The following MNS1 variants were observed in gnomAD, a reference collection of about 807,000 sequenced individuals.
The protein encoded by MNS1 is meiosis specific nuclear structural 1.
A neutral mutation model predicts 72.0 loss-of-function variants in MNS1; 63 were observed. The ratio of observed to expected loss-of-function variants is 0.87; its 90% CI spans 0.71 to 1.08. The LOEUF (loss-of-function observed/expected upper bound fraction) is 1.08, where lower values mean the gene tolerates loss of function less well. Ranked by LOEUF, MNS1 falls within the 50% of genes least tolerant of loss-of-function variation. MNS1 has a pLI of 0.00. For missense variants in MNS1, 604 were observed against 562.4 expected (o/e 1.07, Z -0.75); for synonymous variants, 188 against 172.1 (o/e 1.09, Z -0.72).
At chr15:56,456,297 T>C (rs2050981239) in intron 3 of MNS1, 97 bp downstream of exon 3, 1 of 1,112,052 alleles carries the variant, frequency 9.0e-7, no homozygotes, top group African/African-American at 1.6e-5. Flanking sequence ...CTAAGTGAAA[T>C]GACATAAACA....
At chr15:56,440,198 A>C (rs2140348087) in intron 7 of MNS1, among the ~76,000 whole-genome samples, 1 of 152,306 alleles carries the variant, frequency 6.6e-6, no homozygotes, top group East Asian at 1.9e-4. Context: ...CATCAGGAAA[A>C]TGCAAAATAA....
chr15:56,458,006 G>T (rs572078781), intron 2 of MNS1, among the ~76,000 whole-genome samples: 5 of 151,928 alleles, frequency 3.3e-5, no homozygotes, highest in Admixed American at 2.0e-4. Flanking sequence ...AATAAACTGT[G>T]GTACATCCAT....
intron 7 of MNS1, among the ~76,000 whole-genome samples, chr15:56,435,249 C>T (rs1031207625): frequency 5.3e-5 from 8 of 151,704 alleles, no homozygotes; most frequent in African/African-American, 1.9e-4. Flanking sequence ...ATAATCTAAG[C>T]CCCCACTTCA....
intron 7 of MNS1, among the ~76,000 whole-genome samples, chr15:56,441,807 GA>G (rs2050818380): frequency 6.6e-6 from 1 of 152,252 alleles, no homozygotes; most frequent in Non-Finnish European, 1.5e-5. Context: ...GAGGTCAGGA[GA>G]TCGAGACCAT....
intron 2 of MNS1, among the ~76,000 whole-genome samples, chr15:56,460,007 A>T (rs1447856128): frequency 0.013 from 353 of 27,466 alleles, 23 homozygotes; most frequent in African/African-American, 0.04. Flanking sequence ...AAAAAAAAAA[A>T]AAATACATAT....
At chr15:56,455,828 G>A (rs182018170) in intron 3 of MNS1, among the ~76,000 whole-genome samples, 2 of 152,254 alleles carry the variant, frequency 1.3e-5, no homozygotes, top group East Asian at 3.9e-4. Context: ...GCCAGGTTAT[G>A]TAAGAAACAA....
chr15:56,447,489 A>C (rs961728836), intron 3 of MNS1: 32 of 151,964 alleles, frequency 2.1e-4, no homozygotes, highest in African/African-American at 7.5e-4. Context: ...TCTGTGTTTT[A>C]TTTTGGTAGT....
chr15:56,451,799 C>G (rs924499585), intron 3 of MNS1, among the ~76,000 whole-genome samples: 1 of 152,094 alleles, frequency 6.6e-6, no homozygotes, highest in African/African-American at 2.4e-5. Flanking sequence ...CATCGTACAT[C>G]AAGGAGCATC....
intron 7 of MNS1, among the ~76,000 whole-genome samples, chr15:56,439,985 T>C (rs1184743289): frequency 2.6e-5 from 4 of 152,050 alleles, no homozygotes; most frequent in South Asian, 2.1e-4. Context: ...AGCTACAGAC[T>C]AGAAGAAACT....
At chr15:56,457,024 CAT>C (rs2050985831) in intron 2 of MNS1, among the ~76,000 whole-genome samples, 1 of 152,176 alleles carries the variant, frequency 6.6e-6, no homozygotes, top group Non-Finnish European at 1.5e-5. Flanking sequence ...ATTGTCTCAA[CAT>C]ACTTTTCTAG....
intron 7 of MNS1, among the ~76,000 whole-genome samples, chr15:56,436,541 A>C (rs1170994147): frequency 6.6e-6 from 1 of 152,204 alleles, no homozygotes; most frequent in African/African-American, 2.4e-5. Flanking sequence ...ATCACAATTA[A>C]AAGAACTAGA....
intron 3 of MNS1, 122 bp downstream of exon 3, chr15:56,456,272 C>T: frequency 1.2e-6 from 1 of 833,482 alleles, no homozygotes; most frequent in Non-Finnish European, 1.7e-6. Context: ...TAAGTATTTC[C>T]AGGTAAAATA....
At chr15:56,435,836 C>T (rs140713985) in intron 7 of MNS1, among the ~76,000 whole-genome samples, 6 of 152,012 alleles carry the variant, frequency 3.9e-5, no homozygotes, top group African/African-American at 7.2e-5. Context: ...AGTATTACCC[C>T]GCTACCAATA....
intron 4 of MNS1, chr15:56,445,624 G>C (rs2050893817): frequency 6.6e-6 from 1 of 151,944 alleles, no homozygotes. Flanking sequence ...TAACATTTAT[G>C]TGTAGATTAC....
intron 7 of MNS1, among the ~76,000 whole-genome samples, chr15:56,441,045 C>G (rs1363138396): frequency 1.3e-5 from 2 of 152,094 alleles, no homozygotes; most frequent in Non-Finnish European, 2.9e-5. Flanking sequence ...CCTCTAAGCA[C>G]TGCATTAACT....
chr15:56,461,559 G>A (rs530496683), intron 2 of MNS1, among the ~76,000 whole-genome samples: 1 of 151,064 alleles, frequency 6.6e-6, no homozygotes, highest in Non-Finnish European at 1.5e-5. Flanking sequence ...TACTTGGGAG[G>A]CTGAGGGAGA....
chr15:56,444,582 G>A lies in MNS1; in HGVS notation c.548C>T (p.Ala183Val), dbSNP rs1382901046. Residue 183 changes from alanine (A) to valine (V), a missense_variant, in exon 5 of 10, where the codon GCG becomes GTG. Physicochemically the swap from Ala to Val is moderately conservative, Grantham distance 64. Coordinates refer to ENST00000260453, the MANE Select transcript of MNS1 (RefSeq NM_018365.4). ...TAAGTCAAGATAGTACTGTGCTTTC[G>A]CTTTGTTTCGTTTGTCTTCTGCAGC... ...ENAAEDKRNK[A>V]KAQYYLDLEK... 39 of 1,611,852 alleles carry A rather than the reference G, an allele frequency of 2.4e-5. No individual in the cohort carries two copies. The highest frequency in any genetic ancestry group is 3.1e-5 in the Non-Finnish European group (36 of 1,179,264).
Position 56,443,453 on chromosome 15 carries a change from C to T in MNS1, c.988G>A (p.Glu330Lys), listed in dbSNP as rs777939025. 6.3e-7 allele frequency: 1 copy of T among 1,588,352 alleles called. No individual in the cohort carries two copies. Among genetic ancestry groups the T allele is most frequent in the South Asian group, 1.2e-5 (1 of 84,308 alleles). The change falls in exon 7 of 10, where the codon GAA (glutamate) becomes AAA (lysine). Residue 330 changes from glutamate to lysine, a missense_variant. Glu to Lys is a moderately conservative substitution (Grantham distance 56). Coordinates refer to ENST00000260453, the MANE Select transcript of MNS1 (RefSeq NM_018365.4). ...ACTTTTAGCTTGCTCTTATATATTT[C>T]AGCTTGTTCTTCCTGGTATAATTCT... ...RQELYQEEQA[E>K]IYKSKLKEEA...
intron 2 of MNS1, among the ~76,000 whole-genome samples, chr15:56,461,848 A>C (rs2051023660): frequency 6.6e-6 from 1 of 151,970 alleles, no homozygotes; most frequent in Admixed American, 6.6e-5. Context: ...ATTTAAAAAC[A>C]ACCACAACAT....
Sources: gnomAD v4.1 joint callset for allele counts (sites outside exome capture counted in the v4.1 genomes callset) on GRCh38, gnomAD v4.1.1 for gene constraint, MANE v1.5 for transcripts, NCBI Gene and HGNC (gene_info 2026-07-23, HGNC 2026-07-21) for gene names.